Variants in AKAIN1 observed in about 807,000 individuals in gnomAD.
AKAIN1 encodes A-kinase anchor protein inhibitor 1.
Under a neutral mutation model 3.7 loss-of-function variants are expected in AKAIN1, and 3 were observed. The observed-to-expected ratio is 0.82, with a 90% confidence interval of 0.37 to 2.12. The LOEUF (loss-of-function observed/expected upper bound fraction) is 2.12, where lower values mean the gene tolerates loss of function less well. Among genes scored for constraint, AKAIN1 ranks in the 30% most tolerant of loss-of-function variants. The probability of loss-of-function intolerance (pLI) is 0.06; values close to 1 mark genes in which losing one functional copy is unlikely to be tolerated. For missense variants in AKAIN1, 82 were observed against 82.7 expected (o/e 0.99, Z 0.03); for synonymous variants, 31 against 30.8 (o/e 1.01, Z -0.02).
chr18:5,196,961 C>A (rs965791747), intron 1 of AKAIN1, 77 bp downstream of exon 1: 5 of 1,265,668 alleles, frequency 4.0e-6, no homozygotes, highest in African/African-American at 1.5e-5. Flanking sequence ...GGTAAAGAGG[C>A]CTTTTTTCCC....
intron 1 of AKAIN1, among the ~76,000 whole-genome samples, chr18:5,196,792 G>C (rs1005154112): frequency 2.0e-5 from 3 of 152,230 alleles, no homozygotes; most frequent in African/African-American, 7.2e-5. Flanking sequence ...GGAGGAGCCA[G>C]ATGGGAAGAG....
chr18:5,184,544 A>C (rs2071276619), intron 1 of AKAIN1, among the ~76,000 whole-genome samples: 1 of 152,068 alleles, frequency 6.6e-6, no homozygotes, highest in Non-Finnish European at 1.5e-5. Flanking sequence ...CTATACACCA[A>C]TAACCTCGAA....
At position 5,145,273 on chromosome 18, in the gene AKAIN1, T is replaced by C. The variant is rs1392657376; in HGVS notation, c.*289A>G. 3.6e-6 allele frequency: 1 copy of C among 274,178 alleles called. No individual in the cohort carries two copies. The highest frequency in any genetic ancestry group is 6.9e-6 in the Non-Finnish European group (1 of 145,490). 17.0% of individuals were successfully genotyped at this position (274,178 alleles called of 1,614,324 possible). Reference sequence around the variant, plus strand: ...AAATAAACGAGACATAGAATTCTTTTTTTCAAATAAAAGAACTTTAAAAAT... The same window carrying C: ...AAATAAACGAGACATAGAATTCTTTCTTTCAAATAAAAGAACTTTAAAAAT... On this transcript the variant is annotated 3_prime_UTR_variant, in exon 2 of 2. Coordinates refer to ENST00000434239, the MANE Select transcript of AKAIN1 (RefSeq NM_001145194.2).
intron 1 of AKAIN1, among the ~76,000 whole-genome samples, chr18:5,158,964 A>G (rs2071123673): frequency 1.3e-5 from 2 of 152,218 alleles, no homozygotes. Flanking sequence ...TGCTTCACCT[A>G]CAAATAGGAT....
chr18:5,151,481 T>A (rs2071079733), intron 1 of AKAIN1, among the ~76,000 whole-genome samples: 2 of 152,336 alleles, frequency 1.3e-5, no homozygotes, highest in African/African-American at 4.8e-5. Flanking sequence ...GCTTCCAGCT[T>A]GCTGCTAGCC....
intron 1 of AKAIN1, among the ~76,000 whole-genome samples, chr18:5,151,363 T>A (rs1341904140): frequency 6.6e-6 from 1 of 151,640 alleles, no homozygotes; most frequent in Non-Finnish European, 1.5e-5. Context: ...ATGTTAAATC[T>A]CACTCATCTA....
At chr18:5,165,150 G>A (rs1377007365) in intron 1 of AKAIN1, among the ~76,000 whole-genome samples, 1 of 151,936 alleles carries the variant, frequency 6.6e-6, no homozygotes, top group Non-Finnish European at 1.5e-5. Flanking sequence ...GTTGGTACAA[G>A]GGCCCATTAA....
Position 5,145,578 on chromosome 18 carries a change from T to C in AKAIN1, c.194A>G (p.Lys65Arg), listed in dbSNP as rs2071043800. Residue 65 changes from lysine (K) to arginine (R), a missense_variant, in exon 2 of 2, where the codon AAG (lysine) becomes AGG (arginine). Lys to Arg is a conservative substitution (Grantham distance 26). Transcript: ENST00000434239. The stretch of plus-strand genomic sequence containing the variant: ...TCCACCATGTTACTTCTTTTCGTGC[T>C]TCTTGGTTAACTCCCCAACGCCCAG... ...IQLGVGELTK[K>R]HEKK 3.2e-6 allele frequency: 5 copies of C among 1,551,388 alleles called. No homozygotes were observed. Among genetic ancestry groups the C allele is most frequent in the Admixed American group, 3.9e-5 (2 of 50,982 alleles).
chr18:5,189,053 G>A (rs2071303669), intron 1 of AKAIN1, among the ~76,000 whole-genome samples: 1 of 152,186 alleles, frequency 6.6e-6, no homozygotes, highest in African/African-American at 2.4e-5. Context: ...TTTTAGAGCA[G>A]CAGGTAGAGC....
chr18:5,164,638 A>G (rs2143336541), intron 1 of AKAIN1, among the ~76,000 whole-genome samples: 1 of 152,022 alleles, frequency 6.6e-6, no homozygotes, highest in Non-Finnish European at 1.5e-5. Flanking sequence ...GCTGTCCTCA[A>G]TGTATCCCCC....
At chr18:5,189,403 C>G (rs2071306322) in intron 1 of AKAIN1, among the ~76,000 whole-genome samples, 1 of 152,082 alleles carries the variant, frequency 6.6e-6, no homozygotes, top group South Asian at 2.1e-4. Flanking sequence ...CTTTATATAG[C>G]CAGGCTCTTA....
intron 1 of AKAIN1, among the ~76,000 whole-genome samples, chr18:5,161,175 T>G (rs143743788): frequency 2.0e-5 from 3 of 152,094 alleles, no homozygotes; most frequent in Non-Finnish European, 4.4e-5. Flanking sequence ...TATTTTGTTC[T>G]TCGGCTCCAT....
rs1168078746 is a variant in AKAIN1 at position 5,145,746 on chromosome 18, G to A, written c.26C>T (p.Pro9Leu). ...CTTCACCTCTTCAGGCTCATTTCCAGGTTTCTCACCTAGCCAAAAACATGA... is the reference window on the plus strand; with the variant it reads ...CTTCACCTCTTCAGGCTCATTTCCAAGTTTCTCACCTAGCCAAAAACATGA... MVFAPGEK[P>L]GNEPEEVKLQ... Residue 9 changes from proline (P) to leucine (L), a missense_variant, in exon 2 of 2, where the codon CCT becomes CTT. Transcript: ENST00000434239. 1.9e-6 allele frequency: 3 copies of A among 1,549,898 alleles called. No homozygotes were observed.
intron 1 of AKAIN1, among the ~76,000 whole-genome samples, chr18:5,161,249 G>T (rs368033852): frequency 1.3e-5 from 2 of 151,764 alleles, no homozygotes; most frequent in Non-Finnish European, 1.5e-5. Context: ...TGTTTACAAG[G>T]TATTGTACAT....
intron 1 of AKAIN1, among the ~76,000 whole-genome samples, chr18:5,160,220 C>A (rs1001494940): frequency 3.9e-5 from 6 of 152,104 alleles, no homozygotes; most frequent in African/African-American, 1.4e-4. Flanking sequence ...AGCAAGGAAC[C>A]CTGTCATTGT....
chr18:5,196,929 G>A (rs2143050752), intron 1 of AKAIN1, 109 bp downstream of exon 1: 1 of 1,037,636 alleles, frequency 9.6e-7, no homozygotes, highest in Non-Finnish European at 1.5e-6. Flanking sequence ...CAGTAACTCC[G>A]AAACGCGCAG....
chr18:5,175,372 T>C (rs1172404208), intron 1 of AKAIN1, among the ~76,000 whole-genome samples: 2 of 152,164 alleles, frequency 1.3e-5, no homozygotes, highest in African/African-American at 2.4e-5. Context: ...ATTAGAACTA[T>C]AACTTGCTTA....
chr18:5,162,407 C>A (rs2071144568), intron 1 of AKAIN1, among the ~76,000 whole-genome samples: 1 of 152,018 alleles, frequency 6.6e-6, no homozygotes, highest in Non-Finnish European at 1.5e-5. Flanking sequence ...ACAGACCAGG[C>A]AACATGTCAG....
chr18:5,160,637 G>T (rs2071133944), intron 1 of AKAIN1, among the ~76,000 whole-genome samples: 3 of 152,058 alleles, frequency 2.0e-5, no homozygotes, highest in African/African-American at 7.2e-5. Flanking sequence ...TCTGTCCTGA[G>T]ATCATGAAGT....
Sources: allele counts gnomAD v4.1 joint callset (sites outside exome capture counted in the v4.1 genomes callset), GRCh38; gene constraint gnomAD v4.1.1; transcripts MANE v1.5; gene names NCBI Gene and HGNC (gene_info 2026-07-23, HGNC 2026-07-21).